CASKIN1: variants seen among roughly 807,000 people sequenced by gnomAD.
The protein encoded by CASKIN1 is CASK interacting protein 1.
In CASKIN1, 42 loss-of-function variants were observed where a neutral mutation model predicts 117.5. The observed-to-expected ratio is 0.36, with a 90% CI of 0.28 to 0.46. The LOEUF (loss-of-function observed/expected upper bound fraction) is 0.46, where lower values mean the gene tolerates loss of function less well. CASKIN1 is among the 20% of genes least tolerant of loss of function. CASKIN1 has a pLI of 1.00. For missense variants in CASKIN1, 2,083 were observed against 2,077.3 expected, an observed-to-expected ratio of 1.00 and a Z score of -0.05; for synonymous variants, 1,148 against 961.7, an observed-to-expected ratio of 1.19 and a Z score of -3.59.
chr16:2,183,109 T>A (rs2093173164), intron 16 of CASKIN1, among the ~76,000 whole-genome samples: 1 of 152,232 alleles, frequency 6.6e-6, no homozygotes, highest in African/African-American at 2.4e-5. Flanking sequence ...TAATGACGAT[T>A]GGCCATGGCG....
intron 1 of CASKIN1, among the ~76,000 whole-genome samples, chr16:2,194,367 C>G (rs763827431): frequency 6.6e-6 from 1 of 152,158 alleles, no homozygotes; most frequent in African/African-American, 2.4e-5. Flanking sequence ...TAAGTGTGTG[C>G]GTGCGGGCAC....
Position 2,181,332 on chromosome 16 carries a change from G to C in CASKIN1, c.2036C>G (p.Ser679Cys). The C allele has an allele frequency of 6.2e-7, 1 of 1,606,568 alleles. No homozygotes were observed. Among genetic ancestry groups the C allele is most frequent in the Non-Finnish European group, 8.5e-7 (1 of 1,178,698 alleles). The change falls in exon 18 of 20, where the codon TCC becomes TGC. Residue 679 changes from serine (S) to cysteine (C), a missense_variant. Transcript: ENST00000343516. ...CCTCGGGGTGGGTGGCAGGTGGCTG[G>C]AGGGCTTCTCAGTGGTGGGCCCCAC... Reference protein sequence around the residue: ...AEVGPTTEKPSSHLPPTPRAT... With the variant: ...AEVGPTTEKPCSHLPPTPRAT...
At position 2,187,256 on chromosome 16, in the gene CASKIN1, C is replaced by T. The variant is rs766816604; in HGVS notation, c.745G>A (p.Val249Met). ...GCTGTCTGGCTGTAGGTGTTCCTCACGTGGGCATTGATCCCGCTCTGCACA... is the reference window on the plus strand; with the variant it reads ...GCTGTCTGGCTGTAGGTGTTCCTCATGTGGGCATTGATCCCGCTCTGCACA... ...LLLDSGINAH[V>M]RNTYSQTALD... is the part of the protein sequence containing the mutation. Residue 249 changes from valine to methionine, a missense_variant, in exon 8 of 20, where the codon GTG becomes ATG. By Grantham distance (21) the Val-to-Met change is conservative. This residue lies in a region of CASKIN1 where 203 missense variants were observed against 338.7 expected (regional missense o/e 0.60). Transcript: ENST00000343516. 30 of 1,613,914 alleles carry T rather than the reference C, an allele frequency of 1.9e-5. No individual in the cohort carries two copies. The highest frequency in any genetic ancestry group is 3.3e-4 in the Middle Eastern group (2 of 6,084).
Position 2,178,224 on chromosome 16 carries a change from G to A in CASKIN1, c.*326C>T. On this transcript the variant is annotated 3_prime_UTR_variant, in exon 20 of 20. Coordinates refer to ENST00000343516, the MANE Select transcript of CASKIN1 (RefSeq NM_020764.4). The stretch of plus-strand genomic sequence containing the variant: ...GGCTGGCCGGGCGTCCCGATGGGCA[G>A]TTCTGTGCTGGGCCCGGGCCTGTGC... The A allele has an allele frequency of 2.3e-6, 1 of 439,152 alleles. No homozygotes were observed. The highest frequency in any genetic ancestry group is 4.2e-6 in the Non-Finnish European group (1 of 235,920). The allele number at this position is 439,152 out of a possible 1,614,324, so 27.2% of individuals were successfully genotyped here.
chr16:2,189,644 C>A, intron 3 of CASKIN1, 80 bp from the exon 4 acceptor site: 2 of 1,453,676 alleles, frequency 1.4e-6, no homozygotes, highest in Non-Finnish European at 1.8e-6. Context: ...TGGGACCTGA[C>A]CCCTGACCCC....
At position 2,178,568 on chromosome 16, in the gene CASKIN1, C is replaced by T. The variant is rs752985982; in HGVS notation, c.4278G>A (p.Leu1426=). The part of the protein sequence containing the change: ...GSMFDDLADQ[L]DAMLE ...GCGGCGTTCACTCCAGCATGGCATC[C>T]AGCTGGTCGGCCAGGTCGTCGAACA... is the stretch of plus-strand genomic sequence containing the variant. The change falls in exon 20 of 20, where the codon CTG becomes CTA. Residue 1426 remains leucine, a synonymous_variant. Transcript: ENST00000343516. The T allele has an allele frequency of 1.7e-5, 27 of 1,595,132 alleles. No homozygotes were observed. Among genetic ancestry groups the T allele is most frequent in the Admixed American group, 8.4e-5 (5 of 59,452 alleles).
Position 2,182,512 on chromosome 16 carries a change from C to T in CASKIN1, c.1630-583G>A, listed in dbSNP as rs2093171169. On this transcript the variant is annotated intron_variant, in intron 16 of 19. Coordinates refer to ENST00000343516, the MANE Select transcript of CASKIN1 (RefSeq NM_020764.4). The surrounding 1 kb of genome is among the most constrained non-coding windows in gnomAD (Gnocchi z 4.1). ...TCCACACTTCCAGCTGGAATTCACTCATGCAACTGCTCTTGAACACTCAGC... is the reference window on the plus strand; with the variant it reads ...TCCACACTTCCAGCTGGAATTCACTTATGCAACTGCTCTTGAACACTCAGC... Among the ~76,000 whole-genome samples the T allele has an allele frequency of 1.3e-5, 2 of 152,184 alleles. No individual in the cohort carries two copies. Among genetic ancestry groups the T allele is most frequent in the Non-Finnish European group, 2.9e-5 (2 of 68,036 alleles).
Position 2,179,549 on chromosome 16 carries a change from G to A in CASKIN1, c.3775+44C>T, listed in dbSNP as rs778036043. 1.2e-5 allele frequency: 17 copies of A among 1,416,334 alleles called. No individual in the cohort carries two copies. Among genetic ancestry groups the A allele is most frequent in the Non-Finnish European group, 1.6e-5 (17 of 1,087,678 alleles). The allele number at this position is 1,416,334 out of a possible 1,614,324, so 87.7% of individuals were successfully genotyped here. A position where few individuals can be genotyped will look rare whatever the true frequency, so the allele number is the denominator to read the frequency against. ...CCTCAGACCACCGAGTAAGGAGGTGGAGCAGGGTCCTGTTGCCCCTTCACC... is the reference window on the plus strand; with the variant it reads ...CCTCAGACCACCGAGTAAGGAGGTGAAGCAGGGTCCTGTTGCCCCTTCACC... On this transcript the variant is annotated intron_variant, in intron 18 of 19. Transcript: ENST00000343516. This position sits in a 1 kb window ranked among gnomAD's most constrained non-coding sequence, Gnocchi z 5.8.
chr16:2,180,072 C>G lies in CASKIN1; in HGVS notation c.3296G>C (p.Arg1099Pro). 1 of 1,573,472 alleles carries G rather than the reference C, an allele frequency of 6.4e-7. No homozygotes were observed. The highest frequency in any genetic ancestry group is 8.6e-7 in the Non-Finnish European group (1 of 1,160,284). ...CTCGCCCTTGGAGGGACCCCGAGGC[C>G]GCTGCCGGCCAGTGCCATCCTCCAC... is the stretch of plus-strand genomic sequence containing the variant. ...PFVEDGTGRQRPRGPSKGEAG... is the reference protein window; with the variant it reads ...PFVEDGTGRQPPRGPSKGEAG... Residue 1099 changes from arginine to proline, a missense_variant, in exon 18 of 20, where the codon CGG becomes CCG. Physicochemically the swap from Arg to Pro is moderately radical, Grantham distance 103. This residue lies in a region of CASKIN1 where 1,818 missense variants were observed against 1,688.9 expected (regional missense o/e 1.08). Transcript: ENST00000343516.
Position 2,183,550 on chromosome 16 carries a change from A to G in CASKIN1, c.1629+96T>C, listed in dbSNP as rs1352886909. ...CACTCTCCTCTCCCTCAAGCCCCTG[A>G]GGGCGGGTGGGAGTTGTGGCCAGGG... On this transcript the variant is annotated intron_variant, in intron 16 of 19. Coordinates refer to ENST00000343516, the MANE Select transcript of CASKIN1 (RefSeq NM_020764.4). 2.2e-5 allele frequency: 27 copies of G among 1,203,476 alleles called. No homozygotes were observed. In the East Asian group the frequency reaches 6.3e-4, roughly 28 times the overall value. 74.5% of individuals were successfully genotyped at this position (1,203,476 alleles called of 1,614,324 possible).
At position 2,190,187 on chromosome 16, in the gene CASKIN1, A is replaced by C. The variant is rs923285088; in HGVS notation, c.147-17T>G. 6.2e-7 allele frequency: 1 copy of C among 1,612,526 alleles called. No homozygotes were observed. Among genetic ancestry groups the C allele is most frequent in the Non-Finnish European group, 8.5e-7 (1 of 1,179,620 alleles). On this transcript the variant is annotated splice_polypyrimidine_tract_variant and intron_variant, in intron 2 of 19. Transcript: ENST00000343516. ...GCCGAGAAGCTGGCACGTGCAGAGGACACATAGAGCAGAGGCCCTGGCGCC... is the reference window on the plus strand; with the variant it reads ...GCCGAGAAGCTGGCACGTGCAGAGGCCACATAGAGCAGAGGCCCTGGCGCC...
At chr16:2,187,096 C>T (rs762364733) in intron 8 of CASKIN1, 24 bp from the exon 9 acceptor site, 28 of 1,613,098 alleles carry the variant, frequency 1.7e-5, no homozygotes, top group South Asian at 3.3e-5. Flanking sequence ...AGGGGGCCCC[C>T]GAAGTCCTGC....
At chr16:2,190,252 C>T in intron 2 of CASKIN1, 55 bp downstream of exon 2, 3 of 1,583,994 alleles carry the variant, frequency 1.9e-6, no homozygotes, top group Admixed American at 1.8e-5. Flanking sequence ...GGCACCTAGG[C>T]CTCTCTAGGA....
At chr16:2,185,888 T>C (rs577742561) in intron 10 of CASKIN1, among the ~76,000 whole-genome samples, 54 of 152,272 alleles carry the variant, frequency 3.5e-4, no homozygotes, top group Admixed American at 1.2e-3. Context: ...CTCAGCCTCC[T>C]GTTACTCAGA....
chr16:2,183,946 AAG>A lies in CASKIN1; in HGVS notation c.1417-7_1417-6del. The A allele has an allele frequency of 6.3e-7, 1 of 1,588,258 alleles. No individual in the cohort carries two copies. Among genetic ancestry groups the A allele is most frequent in the Non-Finnish European group, 8.6e-7 (1 of 1,167,462 alleles). On this transcript the variant is annotated splice_region_variant and splice_polypyrimidine_tract_variant and intron_variant, in intron 14 of 19. Transcript: ENST00000343516. The stretch of plus-strand genomic sequence containing the variant: ...CTGGCTCACGGCCTCAGAGCTCTGG[AAG>A]ACACAAGGCACCCACTGCAGGCTCG...
At position 2,181,908 on chromosome 16, in the gene CASKIN1, A is replaced by C. The variant is rs2093169502; in HGVS notation, c.1651T>G (p.Ser551Ala). 6.2e-7 allele frequency: 1 copy of C among 1,613,564 alleles called. No individual in the cohort carries two copies. Among genetic ancestry groups the C allele is most frequent in the Admixed American group, 1.7e-5 (1 of 60,004 alleles). The stretch of plus-strand genomic sequence containing the variant: ...TAGTACTGGGCCAGGCCGATCATGG[A>C]CAGCCACACGGCCAGGTTAGCCTAC... The part of the protein sequence containing the change: ...HKPANLAVWL[S>A]MIGLAQYYKV... Residue 551 changes from serine (S) to alanine (A), a missense_variant, in exon 17 of 20, where the codon TCC becomes GCC. Physicochemically the swap from Ser to Ala is moderately conservative, Grantham distance 99. This residue lies in a region of CASKIN1 where 1,818 missense variants were observed against 1,688.9 expected (regional missense o/e 1.08). Coordinates refer to ENST00000343516, the MANE Select transcript of CASKIN1 (RefSeq NM_020764.4).
In CASKIN1 at chr16:2,180,963, G is replaced by T; in HGVS notation, c.2405C>A (p.Ala802Asp). 6.8e-7 allele frequency: 1 copy of T among 1,467,958 alleles called. No homozygotes were observed. The allele number at this position is 1,467,958 out of a possible 1,614,324, so 90.9% of individuals were successfully genotyped here. A position where few individuals can be genotyped will look rare whatever the true frequency, so the allele number is the denominator to read the frequency against. Residue 802 changes from alanine to aspartate, a missense_variant, in exon 18 of 20, where the codon GCC becomes GAC. Around this residue, in one of 3 missense-constraint regions of CASKIN1, gnomAD observed 1,818 missense variants for 1,688.9 expected, o/e 1.08. Transcript: ENST00000343516. Reference sequence around the variant, plus strand: ...CAGCTGCGGGGTGGGCTTCACCTTGGCCGTAGCTGGGGCTGGACCATGAGG... The same window carrying T: ...CAGCTGCGGGGTGGGCTTCACCTTGTCCGTAGCTGGGGCTGGACCATGAGG... ...GGPHGPAPATAKVKPTPQLLP... is the reference protein window; with the variant it reads ...GGPHGPAPATDKVKPTPQLLP...
rs1200237739 is a variant in CASKIN1 at position 2,185,128 on chromosome 16, C to T, written c.1222G>A (p.Gly408Ser). The T allele has an allele frequency of 6.2e-7, 1 of 1,609,058 alleles. No homozygotes were observed. The highest frequency in any genetic ancestry group is 2.2e-5 in the East Asian group (1 of 44,870). Residue 408 changes from glycine to serine, a missense_variant, in exon 12 of 20, where the codon GGC (glycine) becomes AGC (serine). Around this residue, in one of 3 missense-constraint regions of CASKIN1, gnomAD observed 1,818 missense variants for 1,688.9 expected, o/e 1.08. Coordinates refer to ENST00000343516, the MANE Select transcript of CASKIN1 (RefSeq NM_020764.4). ...RGSGGHALHA[G>S]SEGVKLLATV... The stretch of plus-strand genomic sequence containing the variant: ...CCACCTACCTTGACGCCTTCAGAGC[C>T]CGCGTGTAGGGCGTGACCCCCGCTG...
Position 2,181,536 on chromosome 16 carries a change from G to A in CASKIN1, c.1832C>T (p.Ala611Val), listed in dbSNP as rs757138859. The part of the protein sequence containing the change: ...KLAELQKAEY[A>V]KYEGGPLRRK... ...GCGCAGGGGGCCCCCCTCATACTTGGCGTATTCAGCCTTCTGCAGCTCTGC... is the reference window on the plus strand; with the variant it reads ...GCGCAGGGGGCCCCCCTCATACTTGACGTATTCAGCCTTCTGCAGCTCTGC... The change falls in exon 18 of 20, where the codon GCC becomes GTC. Residue 611 changes from alanine (A) to valine (V), a missense_variant. Ala to Val is a moderately conservative substitution (Grantham distance 64). This residue lies in a region of CASKIN1 where 1,818 missense variants were observed against 1,688.9 expected (regional missense o/e 1.08). Transcript: ENST00000343516. The A allele has an allele frequency of 2.5e-6, 4 of 1,600,040 alleles. No individual in the cohort carries two copies. Among genetic ancestry groups the A allele is most frequent in the Non-Finnish European group, 3.4e-6 (4 of 1,175,094 alleles).
Sources: gnomAD v4.1 joint callset for allele counts (sites outside exome capture counted in the v4.1 genomes callset) on GRCh38, gnomAD v4.1.1 for gene constraint, gnomAD v4.1.1 regional missense constraint, Gnocchi (gnomAD v3.1) non-coding constraint, MANE v1.5 for transcripts, NCBI Gene and HGNC (gene_info 2026-07-23, HGNC 2026-07-21) for gene names.